NRG1: variants seen among roughly 807,000 people sequenced by gnomAD.
NRG1 encodes the protein neuregulin 1, also known as pro-neuregulin-1, membrane-bound isoform.
NRG1 carries 18 observed loss-of-function variants against 63.8 expected under a neutral mutation model. That is an observed-to-expected ratio of 0.28 (90% CI 0.19 to 0.42). The LOEUF (loss-of-function observed/expected upper bound fraction) is 0.42, where lower values mean the gene tolerates loss of function less well. Among genes scored for constraint, NRG1 ranks in the 10% least tolerant of loss-of-function variants. NRG1 has a pLI of 1.00. For synonymous variants in NRG1, 302 were observed against 301.3 expected, an observed-to-expected ratio of 1.00 and a Z score of -0.02; for missense variants, 762 against 814.7, an observed-to-expected ratio of 0.94 and a Z score of 0.79.
intron 1 of NRG1, among the ~76,000 whole-genome samples, chr8:32,249,529 T>C (rs1373514912): frequency 1.3e-5 from 2 of 152,062 alleles, no homozygotes; most frequent in Non-Finnish European, 2.9e-5. Context: ...CTTTCACCCA[T>C]AAGATACAAG....
intron 1 of NRG1, among the ~76,000 whole-genome samples, chr8:32,048,893 T>C (rs1016460564): frequency 1.3e-5 from 2 of 152,012 alleles, no homozygotes; most frequent in African/African-American, 4.8e-5. Flanking sequence ...ATTTTACAAA[T>C]ATGTTTTCCC....
intron 1 of NRG1, among the ~76,000 whole-genome samples, chr8:32,131,608 G>C (rs1243092571): frequency 6.6e-6 from 1 of 152,000 alleles, no homozygotes; most frequent in African/African-American, 2.4e-5. Context: ...CTTCTTCTAA[G>C]GGTAGGTACA....
chr8:32,652,261 G>A (rs1029618357), intron 5 of NRG1, among the ~76,000 whole-genome samples: 15 of 152,124 alleles, frequency 9.9e-5, no homozygotes, highest in Admixed American at 2.6e-4. Flanking sequence ...TTTTCTTCTC[G>A]CCTTCCTGTT....
intron 1 of NRG1, among the ~76,000 whole-genome samples, chr8:32,371,226 C>CA (rs1332653923): frequency 6.6e-6 from 1 of 151,914 alleles, no homozygotes; most frequent in Admixed American, 6.6e-5. Flanking sequence ...CAAAACAGAA[C>CA]AAAAAAAGAA....
intron 5 of NRG1, among the ~76,000 whole-genome samples, chr8:32,620,849 A>G (rs1421500995): frequency 4.6e-5 from 7 of 151,880 alleles, no homozygotes; most frequent in Non-Finnish European, 8.8e-5. Flanking sequence ...ACAAAAAAAG[A>G]AAGAAAGAAA....
At chr8:32,320,614 C>T (rs1420638852) in intron 1 of NRG1, among the ~76,000 whole-genome samples, 1 of 152,138 alleles carries the variant, frequency 6.6e-6, no homozygotes, top group African/African-American at 2.4e-5. Context: ...AACTCACTCA[C>T]TATCACAAGA....
At chr8:32,188,752 C>T (rs1585951065) in intron 1 of NRG1, among the ~76,000 whole-genome samples, 1 of 151,640 alleles carries the variant, frequency 6.6e-6, no homozygotes, top group Non-Finnish European at 1.5e-5. Context: ...ATAGGTGGGA[C>T]TTGAACAATG....
At chr8:31,651,528 G>T (rs1387145896) in intron 1 of NRG1, among the ~76,000 whole-genome samples, 4 of 152,172 alleles carry the variant, frequency 2.6e-5, no homozygotes, top group Non-Finnish European at 4.4e-5. Context: ...TTTCAGGGGG[G>T]TGGCAGCAGT....
intron 1 of NRG1, among the ~76,000 whole-genome samples, chr8:32,588,452 A>T (rs1842005148): frequency 6.6e-6 from 1 of 152,206 alleles, no homozygotes; most frequent in Admixed American, 6.6e-5. Flanking sequence ...CCACCAAAGG[A>T]AACCAATATG....
chr8:32,278,883 C>T (rs1852394831), intron 1 of NRG1, among the ~76,000 whole-genome samples: 1 of 152,228 alleles, frequency 6.6e-6, no homozygotes, highest in Admixed American at 6.5e-5. Context: ...TATTGTCCTG[C>T]AACTCACATA....
intron 1 of NRG1, among the ~76,000 whole-genome samples, chr8:32,164,176 A>G (rs779515555): frequency 9.3e-5 from 14 of 151,084 alleles, no homozygotes; most frequent in South Asian, 2.1e-4. Context: ...TACTCTTTTC[A>G]TCTGACCTAT....
intron 1 of NRG1, among the ~76,000 whole-genome samples, chr8:31,991,181 G>A (rs1479952709): frequency 1.3e-5 from 2 of 151,984 alleles, no homozygotes; most frequent in Non-Finnish European, 2.9e-5. Context: ...TTATACATTA[G>A]AGAACAATTT....
chr8:32,150,309 A>C (rs143278655), intron 1 of NRG1, among the ~76,000 whole-genome samples: 2 of 152,350 alleles, frequency 1.3e-5, no homozygotes, highest in African/African-American at 4.8e-5. Flanking sequence ...TACAGGGACA[A>C]GAAGCCTGGT....
chr8:32,397,736 C>T (rs28366800), intron 1 of NRG1, among the ~76,000 whole-genome samples: 42,850 of 151,890 alleles, frequency 0.28, 6,369 homozygotes, highest in Middle Eastern at 0.33. Context: ...TGAAACACAC[C>T]CTCCTCTTCC....
chr8:31,964,545 G>A (rs574268907), intron 1 of NRG1, among the ~76,000 whole-genome samples: 1 of 152,094 alleles, frequency 6.6e-6, no homozygotes, highest in African/African-American at 2.4e-5. Context: ...CAGGCCTGTA[G>A]TCCCAGCTAC....
chr8:31,679,007 A>G (rs920061601), intron 1 of NRG1, among the ~76,000 whole-genome samples: 54 of 152,010 alleles, frequency 3.6e-4, no homozygotes, highest in African/African-American at 9.2e-4. Flanking sequence ...TAACATTTAC[A>G]TTTGTAAGTT....
rs374953782 is a variant in NRG1 at position 32,381,467 on chromosome 8, C to T, written c.38-214361C>T. Among the ~76,000 whole-genome samples the T allele has an allele frequency of 2.3e-3, 344 of 152,234 alleles. 3 individuals are homozygous for T. The highest frequency in any genetic ancestry group is 7.9e-3 in the African/African-American group (330 of 41,528). On this transcript the variant is annotated intron_variant, in intron 1 of 10. Coordinates refer to the NRG1 transcript ENST00000519301. ...CCTGTTCAATGGGACATCCTCAACA[C>T]GGAGGCAGGGCCTGGTACAGCACAG...
At chr8:32,586,658 TAA>T (rs1841668288) in intron 1 of NRG1, among the ~76,000 whole-genome samples, 1 of 152,194 alleles carries the variant, frequency 6.6e-6, no homozygotes, top group Non-Finnish European at 1.5e-5. Flanking sequence ...GTCCTAGGTT[TAA>T]GTTTTGGTTC....
intron 1 of NRG1, among the ~76,000 whole-genome samples, chr8:31,864,266 C>A (rs1029723533): frequency 2.6e-5 from 4 of 152,154 alleles, no homozygotes; most frequent in African/African-American, 9.7e-5. Context: ...CTAAGTAGAG[C>A]AGAACAAAAG....
Sources: gnomAD v4.1 joint callset for allele counts (sites outside exome capture counted in the v4.1 genomes callset) on GRCh38, gnomAD v4.1.1 for gene constraint, MANE v1.5 for transcripts, NCBI Gene and HGNC (gene_info 2026-07-23, HGNC 2026-07-21) for gene names.